The following PATJ variants were observed in gnomAD, a reference collection of about 807,000 sequenced individuals.
PATJ encodes the protein PATJ crumbs cell polarity complex component, also known as inaD-like protein.
In PATJ, 190 loss-of-function variants were observed where a neutral mutation model predicts 224.9. That is an observed-to-expected ratio of 0.84 (90% confidence interval 0.75 to 0.95). The LOEUF is 0.95. PATJ is among the 40% of genes least tolerant of loss of function. The pLI is 0.00. For synonymous variants in PATJ, 769 were observed against 820.3 expected, an observed-to-expected ratio of 0.94 and a Z score of 1.07; for missense variants, 2,121 against 2,270.3, an observed-to-expected ratio of 0.93 and a Z score of 1.34.
At chr1:61,966,552 G>C (rs1682173466) in intron 27 of PATJ, among the ~76,000 whole-genome samples, 1 of 152,052 alleles carries the variant, frequency 6.6e-6, no homozygotes, top group South Asian at 2.1e-4. Flanking sequence ...CTGGCATGGT[G>C]GTGGGCCCCT....
At chr1:61,985,280 C>G (rs1468666383) in intron 27 of PATJ, among the ~76,000 whole-genome samples, 1 of 151,640 alleles carries the variant, frequency 6.6e-6, no homozygotes, top group Admixed American at 6.6e-5. Flanking sequence ...CCACTGTACT[C>G]CAGCCTGGCG....
At chr1:61,910,400 G>A (rs1672444810) in intron 25 of PATJ, among the ~76,000 whole-genome samples, 1 of 152,110 alleles carries the variant, frequency 6.6e-6, no homozygotes, top group Non-Finnish European at 1.5e-5. Context: ...ATAATAGACT[G>A]CCACATTGTA....
chr1:61,963,144 G>C (rs921011189), intron 27 of PATJ, among the ~76,000 whole-genome samples: 5 of 115,010 alleles, frequency 4.3e-5, no homozygotes, highest in Non-Finnish European at 1.1e-4. Flanking sequence ...ATTTCCACTG[G>C]TAGGTTAAAG....
chr1:62,107,409 CA>C (rs1663233182), intron 33 of PATJ, among the ~76,000 whole-genome samples: 1 of 152,098 alleles, frequency 6.6e-6, no homozygotes, highest in African/African-American at 2.4e-5. Flanking sequence ...CAGAAAGAGC[CA>C]ATGACTTCTG....
intron 27 of PATJ, among the ~76,000 whole-genome samples, chr1:61,939,690 T>C: frequency 7.3e-6 from 1 of 136,752 alleles, no homozygotes; most frequent in African/African-American, 2.8e-5. Flanking sequence ...TTTTTTTTTT[T>C]TTTTTTTTTT....
At chr1:61,871,356 C>A (rs1213250608) in intron 20 of PATJ, among the ~76,000 whole-genome samples, 1 of 91,852 alleles carries the variant, frequency 1.1e-5, no homozygotes, top group African/African-American at 2.9e-5. Flanking sequence ...GGATTACAGG[C>A]ATGCGCCACC....
chr1:61,955,595 T>C (rs1274212384), intron 27 of PATJ, among the ~76,000 whole-genome samples: 1 of 152,264 alleles, frequency 6.6e-6, no homozygotes, highest in African/African-American at 2.4e-5. Context: ...ATTATAGTGA[T>C]AGCTAATCCA....
chr1:62,115,525 A>G (rs1326136025), intron 35 of PATJ, among the ~76,000 whole-genome samples: 1 of 151,268 alleles, frequency 6.6e-6, no homozygotes, highest in Non-Finnish European at 1.5e-5. Context: ...CGTTTGTTCC[A>G]GGATAATATT....
intron 23 of PATJ, 134 bp downstream of exon 23, chr1:61,899,788 C>A (rs756784133): frequency 1.7e-6 from 1 of 572,926 alleles, no homozygotes; most frequent in East Asian, 3.0e-5. Context: ...AGCTGGCCTA[C>A]GTTTTGGTTT....
chr1:62,110,940 T>TA (rs1387347636), intron 34 of PATJ, among the ~76,000 whole-genome samples: 1 of 152,188 alleles, frequency 6.6e-6, no homozygotes, highest in African/African-American at 2.4e-5. Flanking sequence ...GTAAGGCACT[T>TA]ACATAATACA....
intron 34 of PATJ, among the ~76,000 whole-genome samples, chr1:62,113,334 G>A (rs1558186385): frequency 6.6e-6 from 1 of 152,104 alleles, no homozygotes; most frequent in African/African-American, 2.4e-5. Context: ...TGTGATGTGA[G>A]CAAATAAGAG....
intron 28 of PATJ, among the ~76,000 whole-genome samples, chr1:62,002,716 A>G: frequency 2.2e-5 from 1 of 45,904 alleles, no homozygotes; most frequent in East Asian, 6.3e-4. Flanking sequence ...TCTCAAAAAA[A>G]AAAAAAAAAA....
At chr1:62,016,736 G>A (rs1002137701) in intron 28 of PATJ, among the ~76,000 whole-genome samples, 20 of 152,216 alleles carry the variant, frequency 1.3e-4, no homozygotes, top group Admixed American at 5.2e-4. Flanking sequence ...CATTGATGGC[G>A]TTCAGTAAAA....
At chr1:62,108,643 T>A in intron 34 of PATJ, 123 bp downstream of exon 34, 1 of 514,622 alleles carries the variant, frequency 1.9e-6, no homozygotes, top group Non-Finnish European at 3.4e-6. Flanking sequence ...AACAAAATAC[T>A]TATCATATTC....
chr1:62,085,735 C>T (rs1411405298), intron 33 of PATJ, among the ~76,000 whole-genome samples: 1 of 150,724 alleles, frequency 6.6e-6, no homozygotes, highest in Non-Finnish European at 1.5e-5. Context: ...AGGAGGATCA[C>T]TTGAGCCCAG....
intron 31 of PATJ, among the ~76,000 whole-genome samples, chr1:62,078,551 G>T (rs1461299244): frequency 1.3e-5 from 2 of 152,052 alleles, no homozygotes; most frequent in Non-Finnish European, 2.9e-5. Flanking sequence ...CTCCCAAAGT[G>T]CTGGGTTTAC....
intron 3 of PATJ, among the ~76,000 whole-genome samples, chr1:61,763,999 CT>C (rs376121524): frequency 0.014 from 1,984 of 145,860 alleles, 18 homozygotes; most frequent in Non-Finnish European, 0.019. Context: ...TGTGTGTGGT[CT>C]TTTTTTTTGT....
rs750802618 is a variant in PATJ, at chr1:61,856,220, G to A, written c.2303G>A (p.Gly768Asp). 3 of 1,613,858 alleles carry A rather than the reference G, an allele frequency of 1.9e-6. No homozygotes were observed. Among genetic ancestry groups the A allele is most frequent in the Non-Finnish European group, 2.5e-6 (3 of 1,179,728 alleles). The change falls in exon 18 of 44, where the codon GGC becomes GAC. Residue 768 changes from glycine to aspartate, a missense_variant. Coordinates refer to ENST00000642238, the MANE Select transcript of PATJ (RefSeq NM_001350145.3). Reference sequence around the variant, plus strand: ...GTGCCACCAGGCCTAGTACACCTTGGCATCTGTAAGCCTTTGGTGGTAAGT... The same window carrying A: ...GTGCCACCAGGCCTAGTACACCTTGACATCTGTAAGCCTTTGGTGGTAAGT... ...KAVPPGLVHL[G>D]ICKPLVEDNE...
At chr1:61,906,149 A>G (rs765185198) in intron 24 of PATJ, among the ~76,000 whole-genome samples, 83 of 152,198 alleles carry the variant, frequency 5.5e-4, no homozygotes, top group Non-Finnish European at 9.8e-4. Context: ...TACAAAGGTT[A>G]TAGATGGACA....
Sources: allele counts gnomAD v4.1 joint callset (sites outside exome capture counted in the v4.1 genomes callset), GRCh38; gene constraint gnomAD v4.1.1; transcripts MANE v1.5; gene names NCBI Gene and HGNC (gene_info 2026-07-23, HGNC 2026-07-21).